GRM7: variants seen among roughly 807,000 people sequenced by gnomAD.
GRM7 encodes glutamate metabotropic receptor 7, also known as metabotropic glutamate receptor 7.
A neutral mutation model predicts 84.5 loss-of-function variants in GRM7; 35 were observed. The observed-to-expected ratio is 0.41, with a 90% CI of 0.32 to 0.55. The LOEUF (loss-of-function observed/expected upper bound fraction) is 0.55, where lower values mean the gene tolerates loss of function less well. Ranked by LOEUF, GRM7 falls within the 20% of genes least tolerant of loss-of-function variation. The probability of loss-of-function intolerance (pLI) is 0.19; values close to 1 mark genes in which losing one functional copy is unlikely to be tolerated. For synonymous variants in GRM7, 487 were observed against 455.1 expected, an observed-to-expected ratio of 1.07 and a Z score of -0.89; for missense variants, 1,003 against 1,194.6, an observed-to-expected ratio of 0.84 and a Z score of 2.36.
chr3:7,578,413 A>G lies in GRM7; in HGVS notation c.1516-9A>G, dbSNP rs1239343800. 1 of 1,560,102 alleles carries G rather than the reference A, an allele frequency of 6.4e-7. No homozygotes were observed. Among genetic ancestry groups the G allele is most frequent in the African/African-American group, 1.4e-5 (1 of 73,256 alleles). ...TGCCTGATTCACCTTCTTATTTCTT[A>G]TGTTACAGATAGAAGACATGCAGTG... On this transcript the variant is annotated splice_polypyrimidine_tract_variant and intron_variant, in intron 7 of 9. Coordinates refer to ENST00000357716, the MANE Select transcript of GRM7 (RefSeq NM_000844.4).
intron 1 of GRM7, among the ~76,000 whole-genome samples, chr3:7,098,911 A>G (rs943244525): frequency 2.0e-5 from 3 of 151,944 alleles, no homozygotes; most frequent in African/African-American, 7.2e-5. Flanking sequence ...AATAATATAT[A>G]TGCACAAGCA....
At chr3:7,113,636 T>A (rs1692934020) in intron 1 of GRM7, among the ~76,000 whole-genome samples, 1 of 152,138 alleles carries the variant, frequency 6.6e-6, no homozygotes, top group Non-Finnish European at 1.5e-5. Flanking sequence ...TGGACAAATT[T>A]ATATTTGCAG....
intron 9 of GRM7, among the ~76,000 whole-genome samples, chr3:7,718,270 A>G (rs1012266390): frequency 6.6e-6 from 1 of 152,212 alleles, no homozygotes; most frequent in African/African-American, 2.4e-5. Flanking sequence ...CTCTTTCATC[A>G]ACCATGCAAT....
intron 4 of GRM7, among the ~76,000 whole-genome samples, chr3:7,366,366 C>T (rs1228021806): frequency 4.6e-5 from 7 of 151,760 alleles, no homozygotes; most frequent in Non-Finnish European, 8.8e-5. Context: ...TTTTTGTCAT[C>T]GACACTTTCC....
chr3:7,455,074 G>C (rs1000883276), intron 6 of GRM7, among the ~76,000 whole-genome samples: 1 of 152,102 alleles, frequency 6.6e-6, no homozygotes, highest in African/African-American at 2.4e-5. Context: ...CATGTTGAAA[G>C]GGCACAGAAA....
intron 1 of GRM7, among the ~76,000 whole-genome samples, chr3:6,974,048 T>C (rs1283270555): frequency 5.9e-5 from 9 of 152,144 alleles, no homozygotes; most frequent in Admixed American, 5.9e-4. Flanking sequence ...AAACTTTAAA[T>C]TTGAAATGAA....
At chr3:7,197,423 C>G (rs1695914510) in intron 2 of GRM7, among the ~76,000 whole-genome samples, 1 of 152,062 alleles carries the variant, frequency 6.6e-6, no homozygotes, top group African/African-American at 2.4e-5. Context: ...TCTTTCAGAC[C>G]TTTATCCTTC....
chr3:6,918,273 T>G (rs1208556642), intron 1 of GRM7, among the ~76,000 whole-genome samples: 1 of 152,178 alleles, frequency 6.6e-6, no homozygotes, highest in Non-Finnish European at 1.5e-5. Flanking sequence ...AGGGAAAGCT[T>G]AAGCCTTCAG....
At chr3:7,622,450 T>A (rs1182987434) in intron 8 of GRM7, among the ~76,000 whole-genome samples, 2 of 152,114 alleles carry the variant, frequency 1.3e-5, no homozygotes, top group Admixed American at 6.6e-5. Flanking sequence ...GAAATAGACA[T>A]GGCCCTCATT....
At position 6,862,552 on chromosome 3, in the gene GRM7, G is replaced by T. The variant is rs75144571; in HGVS notation, c.519+645G>T. 4.4e-3 allele frequency among the ~76,000 whole-genome samples: 673 copies of T among 152,258 alleles called. 6 individuals carry two copies. The highest frequency in any genetic ancestry group is 0.015 in the African/African-American group (641 of 41,556). On this transcript the variant is annotated intron_variant, in intron 1 of 9. Coordinates refer to ENST00000357716, the MANE Select transcript of GRM7 (RefSeq NM_000844.4). This position sits in a 1 kb window ranked among gnomAD's most constrained non-coding sequence, Gnocchi z 5.2. The stretch of plus-strand genomic sequence containing the variant: ...AGGTGGAGAGATGCTGCCCGCAGAC[G>T]TGACCCCCGGTTGGTTTGCTCCGGG...
Position 7,306,658 on chromosome 3 carries a change from G to C in GRM7, c.1033+6G>C. On this transcript the variant is annotated splice_donor_region_variant and intron_variant, in intron 4 of 9. Coordinates refer to ENST00000357716, the MANE Select transcript of GRM7 (RefSeq NM_000844.4). Reference sequence around the variant, plus strand: ...CAAGCGAGCCACGGTGGAAGGTATGGGTTTCATCAGCAGTAGGTTTGCTGA... The same window carrying C: ...CAAGCGAGCCACGGTGGAAGGTATGCGTTTCATCAGCAGTAGGTTTGCTGA... 6.3e-7 allele frequency: 1 copy of C among 1,583,370 alleles called. No individual in the cohort carries two copies. Among genetic ancestry groups the C allele is most frequent in the Non-Finnish European group, 8.6e-7 (1 of 1,163,928 alleles).
intron 7 of GRM7, among the ~76,000 whole-genome samples, chr3:7,482,263 C>G (rs963938712): frequency 2.6e-5 from 4 of 152,100 alleles, no homozygotes; most frequent in African/African-American, 9.7e-5. Context: ...ATCCTATAAA[C>G]CCTGTAAGTT....
rs180972479 is a variant in GRM7 at position 7,543,328 on chromosome 3, C to T, written c.1516-35094C>T. Among the ~76,000 whole-genome samples, 5 of 152,264 alleles carry T rather than the reference C, an allele frequency of 3.3e-5. No homozygotes were observed. In the East Asian group the frequency reaches 9.7e-4, roughly 29 times the overall value. On this transcript the variant is annotated intron_variant, in intron 7 of 9. Transcript: ENST00000357716. ...GTAAATTAGGAGGAGGTGAAGTAGCCAGGGCACAAGTGGTGGTGGAGATGA... is the reference window on the plus strand; with the variant it reads ...GTAAATTAGGAGGAGGTGAAGTAGCTAGGGCACAAGTGGTGGTGGAGATGA...
At chr3:6,993,065 T>C (rs1038341271) in intron 1 of GRM7, among the ~76,000 whole-genome samples, 2 of 152,166 alleles carry the variant, frequency 1.3e-5, no homozygotes, top group Non-Finnish European at 2.9e-5. Flanking sequence ...CTCAGGAAAC[T>C]TACAATCATG....
intron 2 of GRM7, among the ~76,000 whole-genome samples, chr3:7,205,033 G>A (rs1056458831): frequency 6.6e-6 from 1 of 152,152 alleles, no homozygotes; most frequent in Non-Finnish European, 1.5e-5. Flanking sequence ...ACAGAAGGAC[G>A]GTAGCAGTGT....
intron 9 of GRM7, among the ~76,000 whole-genome samples, chr3:7,694,188 C>G (rs1178269742): frequency 6.6e-6 from 1 of 152,158 alleles, no homozygotes; most frequent in Non-Finnish European, 1.5e-5. Context: ...GATCATCTCT[C>G]TGTGTCTAAA....
intron 1 of GRM7, among the ~76,000 whole-genome samples, chr3:6,901,931 A>T (rs1325485599): frequency 2.6e-5 from 4 of 152,024 alleles, no homozygotes; most frequent in Admixed American, 2.6e-4. Flanking sequence ...ACATTTTTGT[A>T]TGTTTTTAAT....
chr3:6,886,531 A>G (rs748608472), intron 1 of GRM7, among the ~76,000 whole-genome samples: 2 of 152,138 alleles, frequency 1.3e-5, no homozygotes, highest in African/African-American at 2.4e-5. Flanking sequence ...CTCAAGCTCA[A>G]TAATTCTGGG....
chr3:7,500,045 A>C (rs1189794579), intron 7 of GRM7, among the ~76,000 whole-genome samples: 1 of 152,192 alleles, frequency 6.6e-6, no homozygotes, highest in Non-Finnish European at 1.5e-5. Context: ...AAGTGCTGGG[A>C]TTACAGGCAT....
Sources: allele counts gnomAD v4.1 joint callset (sites outside exome capture counted in the v4.1 genomes callset), GRCh38; gene constraint gnomAD v4.1.1; non-coding constraint Gnocchi (gnomAD v3.1); transcripts MANE v1.5; gene names NCBI Gene and HGNC (gene_info 2026-07-23, HGNC 2026-07-21).